The following RARB variants were observed in gnomAD, a reference collection of about 807,000 sequenced individuals.
RARB encodes the protein HBV-activated protein.
RARB carries 17 observed loss-of-function variants against 51.9 expected under a neutral mutation model. The observed-to-expected ratio is 0.33, with a 90% CI of 0.22 to 0.49. The LOEUF is 0.49. RARB is among the 20% of genes least tolerant of loss of function. The pLI, the probability that RARB is intolerant of heterozygous loss-of-function variation, is 0.99. For synonymous variants in RARB, 215 were observed against 195.4 expected (o/e 1.10, Z -0.84); for missense variants, 369 against 550.8 (o/e 0.67, Z 3.30).
At chr3:25,485,928 G>A (rs974397140) in intron 2 of RARB, among the ~76,000 whole-genome samples, 1 of 152,204 alleles carries the variant, frequency 6.6e-6, no homozygotes, top group Non-Finnish European at 1.5e-5. Context: ...GGTTGGGGTT[G>A]TGGAGTTTGG....
At chr3:25,202,412 G>A (rs1277979693) in intron 5 of RARB, among the ~76,000 whole-genome samples, 1 of 151,956 alleles carries the variant, frequency 6.6e-6, no homozygotes, top group African/African-American at 2.4e-5. Flanking sequence ...ATTTTTTGAA[G>A]GGTTTTTTGT....
At chr3:25,332,983 C>T (rs1372761124) in intron 5 of RARB, among the ~76,000 whole-genome samples, 1 of 152,090 alleles carries the variant, frequency 6.6e-6, no homozygotes, top group Non-Finnish European at 1.5e-5. Context: ...TGTGAAGGAC[C>T]TATTCAAGGA....
intron 2 of RARB, among the ~76,000 whole-genome samples, chr3:24,969,846 T>C (rs1284062779): frequency 2.6e-5 from 4 of 152,104 alleles, no homozygotes; most frequent in African/African-American, 4.8e-5. Flanking sequence ...TTGTTAAATA[T>C]ACTTTTAGCT....
At chr3:25,305,406 C>T (rs1185891220) in intron 5 of RARB, among the ~76,000 whole-genome samples, 5 of 152,048 alleles carry the variant, frequency 3.3e-5, no homozygotes, top group South Asian at 4.1e-4. Flanking sequence ...CTGAAGATTA[C>T]GTCAAATATA....
At chr3:24,981,078 C>G (rs1575104027) in intron 2 of RARB, among the ~76,000 whole-genome samples, 2 of 152,178 alleles carry the variant, frequency 1.3e-5, no homozygotes, top group Admixed American at 6.5e-5. Context: ...CCTTGTTTGC[C>G]TGGGTATCAC....
chr3:25,521,885 C>T (rs1272648588), intron 3 of RARB, among the ~76,000 whole-genome samples: 1 of 152,076 alleles, frequency 6.6e-6, no homozygotes, highest in African/African-American at 2.4e-5. Context: ...GACATAATTA[C>T]AGTGAAACCT....
At chr3:25,527,750 T>C (rs1349316809) in intron 3 of RARB, among the ~76,000 whole-genome samples, 2 of 152,192 alleles carry the variant, frequency 1.3e-5, no homozygotes, top group Non-Finnish European at 2.9e-5. Flanking sequence ...AACCTAAATG[T>C]GATTATTTCT....
chr3:25,298,543 A>G (rs1220020997), intron 5 of RARB, among the ~76,000 whole-genome samples: 21 of 152,212 alleles, frequency 1.4e-4, no homozygotes, highest in Admixed American at 1.2e-3. Flanking sequence ...GTGTTTCAGA[A>G]TCAAACCCCA....
intron 5 of RARB, among the ~76,000 whole-genome samples, chr3:25,369,549 A>G (rs1706235572): frequency 6.6e-6 from 1 of 152,216 alleles, no homozygotes; most frequent in African/African-American, 2.4e-5. Context: ...TAAAATGAAT[A>G]CCTATTCCAG....
intron 5 of RARB, among the ~76,000 whole-genome samples, chr3:25,306,106 A>AG (rs1704146164): frequency 6.6e-6 from 1 of 152,212 alleles, no homozygotes; most frequent in Non-Finnish European, 1.5e-5. Context: ...TTGAGAACAC[A>AG]GGGGGAAAAA....
chr3:25,117,486 C>T (rs187720525), intron 3 of RARB, among the ~76,000 whole-genome samples: 46 of 152,238 alleles, frequency 3.0e-4, no homozygotes, highest in African/African-American at 1.1e-3. Context: ...CATGTAAGGC[C>T]TGTGAGGAAG....
At chr3:25,176,350 C>CTTTCTTTCTTTCTTTCTTTCTTTCT (rs1700749355) in intron 5 of RARB, among the ~76,000 whole-genome samples, 5 of 50,516 alleles carry the variant, frequency 9.9e-5, no homozygotes, top group Middle Eastern at 7.2e-3. Flanking sequence ...TCCTTCCTTC[C>CTTTCTTTCTTTCTTTCTTTCTTTCT]TTCCTTCCTT....
At chr3:24,975,715 G>T (rs887304871) in intron 2 of RARB, among the ~76,000 whole-genome samples, 6 of 151,916 alleles carry the variant, frequency 3.9e-5, no homozygotes, top group Admixed American at 6.6e-5. Context: ...ATAATCGCTT[G>T]TATTTTTGTC....
chr3:25,222,554 T>C (rs1287320539), intron 5 of RARB, among the ~76,000 whole-genome samples: 3 of 152,070 alleles, frequency 2.0e-5, no homozygotes, highest in Admixed American at 6.6e-5. Flanking sequence ...AAATAGAAGA[T>C]AGAAAAAAAG....
At chr3:25,089,338 G>C (rs1699157925) in intron 3 of RARB, among the ~76,000 whole-genome samples, 1 of 151,946 alleles carries the variant, frequency 6.6e-6, no homozygotes, top group African/African-American at 2.4e-5. Flanking sequence ...TACAAAATTA[G>C]AGTACATTGG....
intron 5 of RARB, among the ~76,000 whole-genome samples, chr3:25,308,320 A>T (rs1158803279): frequency 3.9e-5 from 6 of 152,180 alleles, no homozygotes; most frequent in Non-Finnish European, 7.3e-5. Flanking sequence ...TCTCCTTGTA[A>T]GTTCTTTCCC....
At chr3:25,174,623 A>T (rs1390650014) in intron 5 of RARB, 1 of 1,335,562 alleles carries the variant, frequency 7.5e-7, no homozygotes, top group African/African-American at 1.5e-5. Context: ...TGATTGGATG[A>T]AGGGACCTGA....
At chr3:25,491,010 C>G (rs2125592207) in intron 2 of RARB, among the ~76,000 whole-genome samples, 1 of 152,208 alleles carries the variant, frequency 6.6e-6, no homozygotes, top group South Asian at 2.1e-4. Flanking sequence ...ACAAAGTAGT[C>G]CGCAAGATAT....
intron 5 of RARB, among the ~76,000 whole-genome samples, chr3:25,237,771 C>G (rs1264676449): frequency 1.3e-5 from 2 of 152,166 alleles, no homozygotes; most frequent in Non-Finnish European, 2.9e-5. Flanking sequence ...AAATGCTACT[C>G]TAGTCTACTC....
Sources: allele counts gnomAD v4.1 joint callset (sites outside exome capture counted in the v4.1 genomes callset), GRCh38; gene constraint gnomAD v4.1.1; transcripts MANE v1.5; gene names NCBI Gene and HGNC (gene_info 2026-07-23, HGNC 2026-07-21).